The following LHPP variants were observed in gnomAD, a reference collection of about 807,000 sequenced individuals.
LHPP encodes the protein phospholysine phosphohistidine inorganic pyrophosphate phosphatase, also known as hLHPP.
Under a neutral mutation model 30.3 loss-of-function variants are expected in LHPP, and 24 were observed. The observed-to-expected ratio is 0.79, with a 90% confidence interval of 0.57 to 1.11. LHPP has a LOEUF of 1.11. Among genes scored for constraint, LHPP ranks in the 50% most tolerant of loss-of-function variants. The pLI is 0.00. For synonymous variants in LHPP, 150 were observed against 157.1 expected, an observed-to-expected ratio of 0.95 and a Z score of 0.34; for missense variants, 356 against 367.2, an observed-to-expected ratio of 0.97 and a Z score of 0.25.
chr10:124,536,337 C>A (rs943938968), intron 6 of LHPP, among the ~76,000 whole-genome samples: 1 of 152,216 alleles, frequency 6.6e-6, no homozygotes, highest in African/African-American at 2.4e-5. Flanking sequence ...CTGTCTGGAA[C>A]CAGGAAAGAG....
intron 3 of LHPP, chr10:124,489,934 C>G (rs2133859615): frequency 5.5e-6 from 1 of 183,026 alleles, no homozygotes; most frequent in South Asian, 9.5e-5. Flanking sequence ...GACAGCACTC[C>G]ATCTGTGGGT....
intron 6 of LHPP, among the ~76,000 whole-genome samples, chr10:124,572,667 A>AGG (rs1448346022): frequency 4.6e-5 from 7 of 151,264 alleles, no homozygotes; most frequent in Non-Finnish European, 8.8e-5. Flanking sequence ...AAGGAAAGAA[A>AGG]AGAAAAAAAA....
intron 1 of LHPP, among the ~76,000 whole-genome samples, chr10:124,468,848 G>T (rs1480353844): frequency 6.6e-6 from 1 of 152,148 alleles, no homozygotes; most frequent in South Asian, 2.1e-4. Flanking sequence ...ACCCTCCCTC[G>T]CATGCCTGTG....
At chr10:124,500,011 G>A (rs9423014) in intron 5 of LHPP, among the ~76,000 whole-genome samples, 15,711 of 151,940 alleles carry the variant, frequency 0.1, 1,483 homozygotes, top group African/African-American at 0.24. Context: ...AAATAACCTG[G>A]CTTTTTACTA....
intron 6 of LHPP, among the ~76,000 whole-genome samples, chr10:124,567,999 G>A (rs1401833941): frequency 3.3e-5 from 5 of 152,138 alleles, no homozygotes; most frequent in African/African-American, 9.7e-5. Flanking sequence ...TGCAACCTCC[G>A]CCTCCCGGGT....
At position 124,590,957 on chromosome 10, in the gene LHPP, C is replaced by T. The variant is rs1190529331; in HGVS notation, c.717-22307C>T. The stretch of plus-strand genomic sequence containing the variant: ...TCCCTGTCTCAGACAGAAGCAGTCT[C>T]GCCCATCCTGGGGCCTGAGAGCATC... On this transcript the variant is annotated intron_variant, in intron 6 of 6. Transcript: ENST00000368842. The surrounding 1 kb of genome is among the most constrained non-coding windows in gnomAD (Gnocchi z 4.3). Among the ~76,000 whole-genome samples the T allele has an allele frequency of 1.3e-5, 2 of 152,326 alleles. No individual in the cohort carries two copies. Among genetic ancestry groups the T allele is most frequent in the East Asian group, 1.9e-4 (1 of 5,186 alleles).
intron 1 of LHPP, among the ~76,000 whole-genome samples, chr10:124,468,299 G>C (rs957015864): frequency 6.6e-6 from 1 of 152,170 alleles, no homozygotes; most frequent in South Asian, 2.1e-4. Context: ...CTAGCTGGGG[G>C]TGTCTCTGGT....
chr10:124,522,677 C>T (rs17151963), intron 6 of LHPP, among the ~76,000 whole-genome samples: 10,360 of 151,858 alleles, frequency 0.068, 435 homozygotes, highest in African/African-American at 0.11. Context: ...CTCCAGGGCT[C>T]CATGTTTGGA....
chr10:124,528,288 G>A (rs1954797030), intron 6 of LHPP, among the ~76,000 whole-genome samples: 1 of 152,210 alleles, frequency 6.6e-6, no homozygotes, highest in South Asian at 2.1e-4. Context: ...CCGTGGGTGT[G>A]GTCCACCACA....
chr10:124,578,783 C>T (rs1948704763), intron 6 of LHPP, among the ~76,000 whole-genome samples: 1 of 146,704 alleles, frequency 6.8e-6, no homozygotes, highest in Admixed American at 7.0e-5. Flanking sequence ...CCATCCAGTG[C>T]AGCCCAGCAC....
chr10:124,462,059 G>A (rs1013087071), intron 1 of LHPP, 72 bp downstream of exon 1: 1 of 1,169,068 alleles, frequency 8.6e-7, no homozygotes, highest in Non-Finnish European at 1.1e-6. Context: ...TGCCGGCAGG[G>A]GGCGGGGCGG....
intron 6 of LHPP, among the ~76,000 whole-genome samples, chr10:124,594,176 A>G (rs1410164717): frequency 2.6e-5 from 4 of 151,986 alleles, no homozygotes; most frequent in African/African-American, 9.7e-5. Flanking sequence ...AAAAATACAA[A>G]AAAACTAGCT....
intron 2 of LHPP, among the ~76,000 whole-genome samples, chr10:124,488,192 G>A (rs538737007): frequency 5.1e-4 from 78 of 152,286 alleles, no homozygotes; most frequent in African/African-American, 1.8e-3. Context: ...GGAGGGTCCT[G>A]GGTGTGTCCA....
chr10:124,507,649 GGGGGGA>G (rs1231079762), intron 5 of LHPP, among the ~76,000 whole-genome samples: 7 of 35,168 alleles, frequency 2.0e-4, no homozygotes, highest in African/African-American at 4.5e-4. Flanking sequence ...GATTTCAGGT[GGGGGGA>G]TAGGGAGTAT....
rs1438786838 is a variant in LHPP, at chr10:124,494,559, AG to A, written c.468-2398del. On this transcript the variant is annotated intron_variant, in intron 3 of 6. Transcript: ENST00000368842. Reference sequence around the variant, plus strand: ...CCTTCTCCTGGCACAGGTGGGCAGGAGGGGACGAGGGTCATGGCCTTTGAGG... The same window carrying A: ...CCTTCTCCTGGCACAGGTGGGCAGGAGGGACGAGGGTCATGGCCTTTGAGG... Among the ~76,000 whole-genome samples the A allele has an allele frequency of 6.6e-5, 10 of 152,204 alleles. No individual in the cohort carries two copies. In the East Asian group the frequency reaches 1.2e-3, roughly 18 times the overall value.
chr10:124,578,821 A>C (rs1459253324), intron 6 of LHPP, among the ~76,000 whole-genome samples: 1 of 152,214 alleles, frequency 6.6e-6, no homozygotes, highest in African/African-American at 2.4e-5. Context: ...AGTGCCTGGC[A>C]CATTTTGTCC....
At chr10:124,545,854 G>C (rs1955325406) in intron 6 of LHPP, 1 of 152,242 alleles carries the variant, frequency 6.6e-6, no homozygotes, top group African/African-American at 2.4e-5. Context: ...TTCAGTTGGG[G>C]GGAAAATGCA....
At chr10:124,498,660 CTTTTTTT>C (rs552228070) in intron 5 of LHPP, 225 of 353,858 alleles carry the variant, frequency 6.4e-4, no homozygotes, top group Admixed American at 8.8e-4. Flanking sequence ...TTTTCTTTTT[CTTTTTTT>C]TTTTTTTTTT....
intron 6 of LHPP, among the ~76,000 whole-genome samples, chr10:124,577,043 G>A (rs150190741): frequency 4.6e-5 from 7 of 152,346 alleles, no homozygotes; most frequent in South Asian, 2.1e-4. Context: ...TCTACTGAGC[G>A]CATACTCAGT....
Sources: gnomAD v4.1 joint callset for allele counts (sites outside exome capture counted in the v4.1 genomes callset) on GRCh38, gnomAD v4.1.1 for gene constraint, Gnocchi (gnomAD v3.1) non-coding constraint, MANE v1.5 for transcripts, NCBI Gene and HGNC (gene_info 2026-07-23, HGNC 2026-07-21) for gene names.